CCL20: variants seen among roughly 807,000 people sequenced by gnomAD.
The protein encoded by CCL20 is C-C motif chemokine ligand 20, also known as C-C motif chemokine 20.
CCL20 carries 8 observed loss-of-function variants against 10.8 expected under a neutral mutation model. The observed-to-expected ratio is 0.74, with a 90% CI of 0.44 to 1.34. The LOEUF (loss-of-function observed/expected upper bound fraction) is 1.34. Among genes scored for constraint, CCL20 ranks in the 40% most tolerant of loss-of-function variants. The pLI is 0.01. For missense variants in CCL20, 107 were observed against 117.9 expected, an observed-to-expected ratio of 0.91 and a Z score of 0.43; for synonymous variants, 40 against 39.4, an observed-to-expected ratio of 1.02 and a Z score of -0.06.
At chr2:227,815,819 C>A in intron 2 of CCL20, 2 of 350,852 alleles carry the variant, frequency 5.7e-6, no homozygotes, top group East Asian at 5.2e-5. Flanking sequence ...TCAAACGGAA[C>A]TAGTATAGGG....
intron 1 of CCL20, among the ~76,000 whole-genome samples, chr2:227,814,584 AT>A (rs35635992): frequency 0.82 from 122,343 of 148,590 alleles, 52,271 homozygotes; most frequent in Non-Finnish European, 0.94. Flanking sequence ...TGCACATTGA[AT>A]TTTTTTTTTT....
In CCL20 at chr2:227,815,472, G is replaced by C; in HGVS notation, c.95G>C (p.Cys32Ser). The C allele has an allele frequency of 6.3e-7, 1 of 1,582,096 alleles. No homozygotes were observed. Among genetic ancestry groups the C allele is most frequent in the South Asian group, 1.2e-5 (1 of 86,456 alleles). Residue 32 changes from cysteine to serine, a missense_variant, in exon 2 of 4, where the codon TGC becomes TCC. By Grantham distance (112) the Cys-to-Ser change is moderately radical. Coordinates refer to ENST00000358813, the MANE Select transcript of CCL20 (RefSeq NM_004591.3). ...TTTTTAGCAGCAAGCAACTTTGACT[G>C]CTGTCTTGGATACACAGACCGTATT... ...GESEAASNFDCCLGYTDRILH... is the reference protein window; with the variant it reads ...GESEAASNFDSCLGYTDRILH...
In CCL20 at chr2:227,816,352, G is replaced by C. The variant is rs773319304; in HGVS notation, c.237G>C (p.Gln79His). 2.5e-6 allele frequency: 4 copies of C among 1,610,252 alleles called. No homozygotes were observed. The highest frequency in any genetic ancestry group is 3.4e-6 in the Non-Finnish European group (4 of 1,176,742). ...KKLSVCANPK[Q>H]TWVKYIVRLL... ...TGTCTGTGTGCGCAAATCCAAAACAGACTTGGGTGAAATATATTGTGCGTC... is the reference window on the plus strand; with the variant it reads ...TGTCTGTGTGCGCAAATCCAAAACACACTTGGGTGAAATATATTGTGCGTC... Residue 79 changes from glutamine to histidine, a missense_variant, in exon 3 of 4, where the codon CAG becomes CAC. Transcript: ENST00000358813.
intron 1 of CCL20, among the ~76,000 whole-genome samples, chr2:227,815,007 A>G (rs1690003723): frequency 2.6e-5 from 4 of 152,194 alleles, no homozygotes; most frequent in East Asian, 1.9e-4. Context: ...CTCAATACTT[A>G]GTAGCCAGAT....
At chr2:227,815,172 A>G (rs186840001) in intron 1 of CCL20, among the ~76,000 whole-genome samples, 38 of 152,318 alleles carry the variant, frequency 2.5e-4, no homozygotes, top group Admixed American at 2.4e-3. Context: ...CTTACTGAAG[A>G]TATCCCACTT....
chr2:227,815,291 T>C (rs866023485), intron 1 of CCL20, 163 bp from the exon 2 acceptor site: 7 of 485,816 alleles, frequency 1.4e-5, no homozygotes, highest in Non-Finnish European at 2.5e-5. Flanking sequence ...TCAACGACCT[T>C]ACAAAGGTTT....
Position 227,814,797 on chromosome 2 carries a change from C to G in CCL20, c.77-657C>G, listed in dbSNP as rs144642659. ...GTAGAGACAGGGTTTCACTGTGTTG[C>G]CCAGGCTGGTCTCGAACTCCTGGAG... On this transcript the variant is annotated intron_variant, in intron 1 of 3. Coordinates refer to ENST00000358813, the MANE Select transcript of CCL20 (RefSeq NM_004591.3). Among the ~76,000 whole-genome samples the G allele has an allele frequency of 8.6e-5, 13 of 151,242 alleles. No homozygotes were observed. The East Asian group carries it at 2.5e-3, about 29-fold the overall frequency.
rs1037115180 is a variant in CCL20, at chr2:227,817,383, T to A, written c.*300T>A. 4.8e-6 allele frequency: 1 copy of A among 208,922 alleles called. No homozygotes were observed. Among genetic ancestry groups the A allele is most frequent in the African/African-American group, 2.3e-5 (1 of 43,796 alleles). 12.9% of individuals were successfully genotyped at this position (208,922 alleles called of 1,614,324 possible). ...TTTAGTGCAAAGTATAAAATTATAT[T>A]TGGGGGGGAATAAGATTATATGGAC... On this transcript the variant is annotated 3_prime_UTR_variant, in exon 4 of 4. Coordinates refer to ENST00000358813, the MANE Select transcript of CCL20 (RefSeq NM_004591.3).
chr2:227,817,071 C>A lies in CCL20; in HGVS notation c.279C>A (p.Val93=). The A allele has an allele frequency of 1.2e-6, 2 of 1,607,644 alleles. No individual in the cohort carries two copies. Among genetic ancestry groups the A allele is most frequent in the South Asian group, 2.2e-5 (2 of 90,748 alleles). ...KYIVRLLSKK[V]KNM ...CTTTTTCATTTTACAGTAAAAAAGT[C>A]AAGAACATGTAAAAACTGTGGCTTT... Residue 93 remains valine, a synonymous_variant, in exon 4 of 4, where the codon GTC becomes GTA. Transcript: ENST00000358813.
At chr2:227,814,315 G>C (rs1163890524) in intron 1 of CCL20, among the ~76,000 whole-genome samples, 3 of 152,152 alleles carry the variant, frequency 2.0e-5, no homozygotes, top group Non-Finnish European at 2.9e-5. Context: ...TTGAAATGTA[G>C]AGAATCCTCC....
Position 227,816,329 on chromosome 2 carries a change from T to A in CCL20, c.214T>A (p.Ser72Thr). ...CAGCTTTCACACAAAGAAAAAGTTG[T>A]CTGTGTGCGCAAATCCAAAACAGAC... Reference protein sequence around the residue: ...AIIFHTKKKLSVCANPKQTWV... With the variant: ...AIIFHTKKKLTVCANPKQTWV... Residue 72 changes from serine (S) to threonine (T), a missense_variant, in exon 3 of 4, where the codon TCT becomes ACT. By Grantham distance (58) the Ser-to-Thr change is moderately conservative. Transcript: ENST00000358813. 1 of 1,611,330 alleles carries A rather than the reference T, an allele frequency of 6.2e-7. No individual in the cohort carries two copies. Among genetic ancestry groups the A allele is most frequent in the South Asian group, 1.1e-5 (1 of 90,906 alleles).
chr2:227,816,523 A>G (rs1690027731), intron 3 of CCL20, 139 bp downstream of exon 3: 2 of 485,576 alleles, frequency 4.1e-6, no homozygotes. Flanking sequence ...TGGACCACAA[A>G]AACAAAGAAT....
At chr2:227,816,613 A>G (rs963250902) in intron 3 of CCL20, among the ~76,000 whole-genome samples, 1 of 152,244 alleles carries the variant, frequency 6.6e-6, no homozygotes, top group Non-Finnish European at 1.5e-5. Context: ...AGATTTCTCT[A>G]TGCATTTGAT....
intron 1 of CCL20, among the ~76,000 whole-genome samples, chr2:227,814,511 C>T (rs1689993873): frequency 6.6e-6 from 1 of 152,116 alleles, no homozygotes; most frequent in Non-Finnish European, 1.5e-5. Flanking sequence ...CGGGAATGTC[C>T]AAGTATTGCT....
rs1280118412 is a variant in CCL20, at chr2:227,816,347, A to T, written c.232A>T (p.Lys78Ter). 6.2e-7 allele frequency: 1 copy of T among 1,611,238 alleles called. No individual in the cohort carries two copies. The highest frequency in any genetic ancestry group is 8.5e-7 in the Non-Finnish European group (1 of 1,177,668). Residue 78 changes from lysine to a stop codon, truncating the protein, a stop_gained, in exon 3 of 4, where the codon AAA becomes TAA. Transcript: ENST00000358813. LOFTEE classifies it low-confidence loss of function (END_TRUNC). ...KKKLSVCANP[K>*]QTWVKYIVRL... ...AAAGTTGTCTGTGTGCGCAAATCCA[A>T]AACAGACTTGGGTGAAATATATTGT...
chr2:227,814,757 A>T (rs1255590257), intron 1 of CCL20, among the ~76,000 whole-genome samples: 3 of 139,490 alleles, frequency 2.2e-5, no homozygotes, highest in East Asian at 2.1e-4. Context: ...ATTTTTTTAC[A>T]TTTTTTTTTT....
chr2:227,814,501 C>T (rs1689993612), intron 1 of CCL20, among the ~76,000 whole-genome samples: 1 of 151,988 alleles, frequency 6.6e-6, no homozygotes, highest in African/African-American at 2.4e-5. Context: ...TAATCTGACT[C>T]GGGAATGTCC....
chr2:227,816,007 A>T (rs1690020202), intron 2 of CCL20: 1 of 300,112 alleles, frequency 3.3e-6, no homozygotes, highest in African/African-American at 2.2e-5. Context: ...TTGGAATTAT[A>T]CAAGTTATTG....
rs1393219247 is a variant in CCL20 at position 227,813,999 on chromosome 2, T to C, written c.76+12T>C. ...CGGCGAATCAGAAGGTAAGTGTCGC[T>C]CTTTCCGCTAGCACAGAAGAAAGAC... On this transcript the variant is annotated intron_variant, in intron 1 of 3. Transcript: ENST00000358813. 7 of 1,609,882 alleles carry C rather than the reference T, an allele frequency of 4.3e-6. No individual in the cohort carries two copies. Among genetic ancestry groups the C allele is most frequent in the Non-Finnish European group, 6.0e-6 (7 of 1,176,154 alleles).
Sources: allele counts gnomAD v4.1 joint callset (sites outside exome capture counted in the v4.1 genomes callset), GRCh38; gene constraint gnomAD v4.1.1; transcripts MANE v1.5; gene names NCBI Gene and HGNC (gene_info 2026-07-23, HGNC 2026-07-21).